Variants in CRTAC1 observed in about 807,000 individuals in gnomAD.
CRTAC1 encodes cartilage acidic protein 1, also known as acidic secreted protein in cartilage.
In CRTAC1, 37 loss-of-function variants were observed where a neutral mutation model predicts 67.8. The observed-to-expected ratio is 0.55, with a 90% CI of 0.42 to 0.72. CRTAC1 has a LOEUF of 0.72. CRTAC1 is among the 30% of genes least tolerant of loss of function. The probability of loss-of-function intolerance (pLI) is 0.00; values close to 1 mark genes in which losing one functional copy is unlikely to be tolerated. For synonymous variants in CRTAC1, 348 were observed against 371.0 expected (o/e 0.94, Z 0.71); for missense variants, 780 against 931.6 (o/e 0.84, Z 2.12).
At chr10:97,927,260 TCTCTACGAGGTGC>T (rs1225550132) in intron 3 of CRTAC1, among the ~76,000 whole-genome samples, 1 of 152,168 alleles carries the variant, frequency 6.6e-6, no homozygotes, top group Non-Finnish European at 1.5e-5. Context: ...GGGACTCTGA[TCTCTACGAGGTGC>T]CTGGAGAAAG....
Position 97,895,440 on chromosome 10 carries a change from C to T in CRTAC1, c.1318-27G>A. The T allele has an allele frequency of 1.3e-6, 2 of 1,559,948 alleles. No individual in the cohort carries two copies. The highest frequency in any genetic ancestry group is 1.7e-6 in the Non-Finnish European group (2 of 1,154,164). On this transcript the variant is annotated intron_variant, in intron 10 of 14. Coordinates refer to ENST00000370597, the MANE Select transcript of CRTAC1 (RefSeq NM_018058.7). The surrounding 1 kb of genome is among the most constrained non-coding windows in gnomAD (Gnocchi z 4.2). Reference sequence around the variant, plus strand: ...TGCAGAGAGGGTGAGAGGCAGACACCCGGTGGGCATCAGCATGGTGGGTGG... The same window carrying T: ...TGCAGAGAGGGTGAGAGGCAGACACTCGGTGGGCATCAGCATGGTGGGTGG...
At chr10:98,002,334 T>TC (rs1484066481) in intron 2 of CRTAC1, among the ~76,000 whole-genome samples, 1 of 152,240 alleles carries the variant, frequency 6.6e-6, no homozygotes, top group Non-Finnish European at 1.5e-5. Flanking sequence ...ATCAGGTTTT[T>TC]TTTTGTTAAA....
intron 1 of CRTAC1, among the ~76,000 whole-genome samples, chr10:98,013,340 C>T (rs772318122): frequency 4.6e-5 from 7 of 152,202 alleles, no homozygotes; most frequent in Non-Finnish European, 7.3e-5. Context: ...GGGAGGCTGG[C>T]CCCATTCAGG....
intron 2 of CRTAC1, among the ~76,000 whole-genome samples, chr10:97,945,225 G>A (rs560637547): frequency 4.6e-5 from 7 of 152,184 alleles, no homozygotes; most frequent in Non-Finnish European, 8.8e-5. Flanking sequence ...TGGACTAGTT[G>A]TGTTGGTACT....
chr10:97,947,118 G>GCCAA (rs2051277983), intron 2 of CRTAC1, among the ~76,000 whole-genome samples: 1 of 152,208 alleles, frequency 6.6e-6, no homozygotes, highest in African/African-American at 2.4e-5. Context: ...GGACAGAATA[G>GCCAA]TTGGGGCAAG....
At chr10:97,985,868 T>C (rs1440225083) in intron 2 of CRTAC1, among the ~76,000 whole-genome samples, 1 of 152,096 alleles carries the variant, frequency 6.6e-6, no homozygotes. Flanking sequence ...AGAACTCACT[T>C]TGTGAACTGC....
intron 2 of CRTAC1, among the ~76,000 whole-genome samples, chr10:98,004,415 T>C (rs536399390): frequency 6.6e-6 from 1 of 152,346 alleles, no homozygotes; most frequent in Admixed American, 6.5e-5. Flanking sequence ...GTACACACAG[T>C]AGGTGCTTGA....
At chr10:97,965,387 T>C (rs2051598408) in intron 2 of CRTAC1, among the ~76,000 whole-genome samples, 1 of 152,192 alleles carries the variant, frequency 6.6e-6, no homozygotes, top group Non-Finnish European at 1.5e-5. Flanking sequence ...TTAAGTAACT[T>C]GTCCAGGGGA....
intron 13 of CRTAC1, among the ~76,000 whole-genome samples, chr10:97,882,179 T>G (rs2050223904): frequency 6.6e-6 from 1 of 152,188 alleles, no homozygotes; most frequent in Admixed American, 6.5e-5. Context: ...TCCTTGCTGG[T>G]CACTGGGATG....
In CRTAC1 at chr10:97,936,357, T is replaced by C. The variant is rs753815040; in HGVS notation, c.234A>G (p.Gly78=). 1 of 1,608,990 alleles carries C rather than the reference T, an allele frequency of 6.2e-7. No individual in the cohort carries two copies. The highest frequency in any genetic ancestry group is 1.1e-5 in the South Asian group (1 of 90,672). ...GGTCATACTTCAGAACCAGGTTGGG[T>C]CCATTGTACCTGGAGGAGGAATGGG... ...DFEIVVAGYN[G]PNLVLKYDRA... Residue 78 remains glycine (G), a synonymous_variant, in exon 3 of 15, where the codon GGA becomes GGG. Transcript: ENST00000370597.
At chr10:97,981,010 C>T (rs964802855) in intron 2 of CRTAC1, among the ~76,000 whole-genome samples, 3 of 152,150 alleles carry the variant, frequency 2.0e-5, no homozygotes. Context: ...TGATTCTTGA[C>T]AAGGTGCAGG....
intron 11 of CRTAC1, among the ~76,000 whole-genome samples, chr10:97,894,222 AC>A (rs1466430492): frequency 6.6e-6 from 1 of 152,034 alleles, no homozygotes; most frequent in Non-Finnish European, 1.5e-5. Flanking sequence ...TTACATTTCC[AC>A]CAGTGATGTA....
In CRTAC1 at chr10:97,931,085, T is replaced by C. The variant is rs550344079; in HGVS notation, c.421+5085A>G. ...TATGAGCAGATAAGAAATTCAAATA[T>C]ATAAAAATATTCTCAGTCTCCTTCA... is the stretch of plus-strand genomic sequence containing the variant. On this transcript the variant is annotated intron_variant, in intron 3 of 14. Transcript: ENST00000370597. Among the ~76,000 whole-genome samples the C allele has an allele frequency of 2.6e-5, 4 of 152,312 alleles. No individual in the cohort carries two copies. The South Asian group carries it at 8.3e-4, about 32-fold the overall frequency.
chr10:98,026,427 CA>C (rs1590305708), intron 1 of CRTAC1, among the ~76,000 whole-genome samples: 1 of 152,190 alleles, frequency 6.6e-6, no homozygotes, highest in East Asian at 1.9e-4. Flanking sequence ...CGCATTCAAA[CA>C]AAAGTCCAGA....
At chr10:97,942,928 C>G (rs746601038) in intron 2 of CRTAC1, among the ~76,000 whole-genome samples, 1 of 151,610 alleles carries the variant, frequency 6.6e-6, no homozygotes, top group Non-Finnish European at 1.5e-5. Flanking sequence ...AAAATTTAGC[C>G]GGGTGTGGTG....
In CRTAC1 at chr10:97,935,496, G is replaced by A. The variant is rs546316950; in HGVS notation, c.421+674C>T. ...AGCGGGTCAGAAGTGCAGGGTCTTG[G>A]CCCCACCCAGACCTGCTGAGTCAGT... On this transcript the variant is annotated intron_variant, in intron 3 of 14. Transcript: ENST00000370597. 2.2e-3 allele frequency among the ~76,000 whole-genome samples: 332 copies of A among 152,180 alleles called. 2 individuals carry two copies. The highest frequency in any genetic ancestry group is 4.2e-3 in the Non-Finnish European group (285 of 68,006).
At chr10:98,007,249 C>G (rs568880385) in intron 2 of CRTAC1, among the ~76,000 whole-genome samples, 3 of 152,214 alleles carry the variant, frequency 2.0e-5, no homozygotes, top group South Asian at 4.1e-4. Context: ...ATGGAGCCTC[C>G]GAATACTATA....
chr10:97,926,695 AG>A (rs1384639283), intron 3 of CRTAC1, among the ~76,000 whole-genome samples: 3 of 152,256 alleles, frequency 2.0e-5, no homozygotes, highest in Non-Finnish European at 4.4e-5. Flanking sequence ...AGATTAGCCC[AG>A]GACAGGTTTT....
At chr10:97,907,651 G>A (rs1164955771) in intron 6 of CRTAC1, among the ~76,000 whole-genome samples, 1 of 152,118 alleles carries the variant, frequency 6.6e-6, no homozygotes, top group Non-Finnish European at 1.5e-5. Flanking sequence ...GTATTGAACT[G>A]AATGTTGAAG....
Sources: gnomAD v4.1 joint callset for allele counts (sites outside exome capture counted in the v4.1 genomes callset) on GRCh38, gnomAD v4.1.1 for gene constraint, Gnocchi (gnomAD v3.1) non-coding constraint, MANE v1.5 for transcripts, NCBI Gene and HGNC (gene_info 2026-07-23, HGNC 2026-07-21) for gene names.